SYCP2: variants seen among roughly 807,000 people sequenced by gnomAD.
SYCP2 encodes the protein synaptonemal complex protein 2.
In SYCP2, 55 loss-of-function variants were observed where a neutral mutation model predicts 211.3. That is an observed-to-expected ratio of 0.26 (90% confidence interval 0.21 to 0.33). The LOEUF is 0.33. SYCP2 is among the 10% of genes least tolerant of loss of function. The probability of loss-of-function intolerance (pLI) is 1.00; values close to 1 mark genes in which losing one functional copy is unlikely to be tolerated. For synonymous variants in SYCP2, 570 were observed against 555.2 expected (o/e 1.03, Z -0.37); for missense variants, 1,731 against 1,752.0 (o/e 0.99, Z 0.21).
chr20:59,898,091 G>A (rs1354493794), intron 18 of SYCP2, among the ~76,000 whole-genome samples: 2 of 151,536 alleles, frequency 1.3e-5, no homozygotes, highest in African/African-American at 4.8e-5. Context: ...CTGCACTCCA[G>A]CCTGTGTGAC....
chr20:59,886,621 C>A, intron 25 of SYCP2, 86 bp downstream of exon 25: 1 of 975,528 alleles, frequency 1.0e-6, no homozygotes, highest in Admixed American at 3.0e-5. Flanking sequence ...TTATCTGAAC[C>A]TATGTTTAAA....
chr20:59,916,387 G>T, intron 8 of SYCP2, 99 bp downstream of exon 8: 1 of 681,326 alleles, frequency 1.5e-6, no homozygotes, highest in East Asian at 2.7e-5. Flanking sequence ...TCCAAGCTAA[G>T]TAATTTTGTC....
At chr20:59,901,888 TA>T in intron 15 of SYCP2, 78 bp from the exon 16 acceptor site, 1 of 1,152,290 alleles carries the variant, frequency 8.7e-7, no homozygotes, top group Non-Finnish European at 1.2e-6. Context: ...GACATGGATG[TA>T]GCAGATTAAT....
Position 59,899,143 on chromosome 20 carries a change from G to T in SYCP2, c.1404+995C>A, listed in dbSNP as rs542862195. On this transcript the variant is annotated intron_variant, in intron 18 of 44. Coordinates refer to ENST00000357552, the MANE Select transcript of SYCP2 (RefSeq NM_014258.4). Reference sequence around the variant, plus strand: ...CGAGGAGGCTACTGTATTAACCTAAGTGTGCTGAGATGAGTAATGGCAGAT... The same window carrying T: ...CGAGGAGGCTACTGTATTAACCTAATTGTGCTGAGATGAGTAATGGCAGAT... 2.0e-5 allele frequency among the ~76,000 whole-genome samples: 3 copies of T among 152,288 alleles called. No individual in the cohort carries two copies. The South Asian group carries it at 6.2e-4, about 32-fold the overall frequency.
chr20:59,876,157 G>C (rs1307659163), intron 33 of SYCP2, among the ~76,000 whole-genome samples: 1 of 151,718 alleles, frequency 6.6e-6, no homozygotes, highest in South Asian at 2.1e-4. Flanking sequence ...CAGATCATGA[G>C]GTCAAGAGAT....
chr20:59,894,029 C>T (rs1217094083), intron 20 of SYCP2, among the ~76,000 whole-genome samples: 1 of 151,992 alleles, frequency 6.6e-6, no homozygotes, highest in East Asian at 1.9e-4. Context: ...TTTTGTTTAG[C>T]TAAGTTTTTT....
At chr20:59,911,534 ACT>A (rs2060326868) in intron 14 of SYCP2, among the ~76,000 whole-genome samples, 2 of 152,068 alleles carry the variant, frequency 1.3e-5, no homozygotes, top group Non-Finnish European at 2.9e-5. Context: ...GAGCATTAAA[ACT>A]CAGCATTATT....
intron 35 of SYCP2, among the ~76,000 whole-genome samples, chr20:59,872,092 C>T (rs1038336646): frequency 6.6e-6 from 1 of 151,888 alleles, no homozygotes; most frequent in Admixed American, 6.6e-5. Flanking sequence ...AGATCTCCTA[C>T]CTCTACTTTA....
chr20:59,892,730 TACAAA>T, intron 22 of SYCP2, 29 bp from the exon 23 acceptor site: 1 of 1,589,404 alleles, frequency 6.3e-7, no homozygotes, highest in Non-Finnish European at 8.5e-7. Flanking sequence ...TGCTTAATGT[TACAAA>T]ACATTAGCCT....
intron 41 of SYCP2, 54 bp downstream of exon 41, chr20:59,866,239 G>A: frequency 8.4e-6 from 10 of 1,187,982 alleles, no homozygotes; most frequent in Non-Finnish European, 1.1e-5. Flanking sequence ...TCCAAGTATA[G>A]CTCTTTAAAA....
At chr20:59,907,668 A>G (rs888935294) in intron 14 of SYCP2, among the ~76,000 whole-genome samples, 32 of 152,348 alleles carry the variant, frequency 2.1e-4, no homozygotes, top group African/African-American at 4.1e-4. Context: ...ACCAAAAAAA[A>G]GAATGACTGT....
At chr20:59,908,518 T>G (rs2145818308) in intron 14 of SYCP2, among the ~76,000 whole-genome samples, 1 of 152,254 alleles carries the variant, frequency 6.6e-6, no homozygotes, top group Middle Eastern at 3.4e-3. Flanking sequence ...TGTAAAAAAC[T>G]TGCTCCTTTG....
chr20:59,919,305 C>CT (rs944299272), intron 6 of SYCP2, 123 bp from the exon 7 acceptor site: 172 of 674,430 alleles, frequency 2.6e-4, no homozygotes, highest in Non-Finnish European at 3.9e-4. Context: ...AGCATAATTA[C>CT]TTTTTATTAA....
In SYCP2 at chr20:59,864,239, G is replaced by A. The variant is rs1178855014; in HGVS notation, c.*72C>T. ...TGACATGTATATTTTTCTCTTTGTA[G>A]GACTATTCTTATTTCCTCAGTTATA... On this transcript the variant is annotated 3_prime_UTR_variant, in exon 45 of 45. Transcript: ENST00000357552. 9.3e-7 allele frequency: 1 copy of A among 1,078,206 alleles called. No individual in the cohort carries two copies. Among genetic ancestry groups the A allele is most frequent in the Non-Finnish European group, 1.4e-6 (1 of 739,364 alleles). 66.8% of individuals were successfully genotyped at this position (1,078,206 alleles called of 1,614,324 possible).
chr20:59,879,223 A>G (rs1030643219), intron 31 of SYCP2, among the ~76,000 whole-genome samples: 8 of 152,038 alleles, frequency 5.3e-5, no homozygotes, highest in African/African-American at 1.9e-4. Context: ...CCATTTTCCC[A>G]TAAATATGAT....
At chr20:59,869,648 C>T (rs2059411943) in intron 36 of SYCP2, 150 bp downstream of exon 36, 1 of 463,540 alleles carries the variant, frequency 2.2e-6, no homozygotes, top group Admixed American at 3.8e-5. Flanking sequence ...TATGATCAAG[C>T]CATTCTATAT....
intron 35 of SYCP2, among the ~76,000 whole-genome samples, chr20:59,873,172 C>T (rs1265577511): frequency 2.0e-5 from 3 of 152,072 alleles, no homozygotes; most frequent in Non-Finnish European, 4.4e-5. Flanking sequence ...TAGCAACTTC[C>T]ACATACCTTA....
chr20:59,881,055 A>G (rs1016252157), intron 29 of SYCP2, 32 bp from the exon 30 acceptor site: 2 of 1,229,416 alleles, frequency 1.6e-6, no homozygotes, highest in Admixed American at 2.1e-5. Context: ...ATTAAAAAAT[A>G]CCCTTCATAC....
chr20:59,930,641 A>T (rs761596380), intron 2 of SYCP2, among the ~76,000 whole-genome samples: 9 of 152,086 alleles, frequency 5.9e-5, no homozygotes, highest in Non-Finnish European at 1.2e-4. Flanking sequence ...GTAGATCTAG[A>T]CATGAACTAC....
Sources: gnomAD v4.1 joint callset for allele counts (sites outside exome capture counted in the v4.1 genomes callset) on GRCh38, gnomAD v4.1.1 for gene constraint, MANE v1.5 for transcripts, NCBI Gene and HGNC (gene_info 2026-07-23, HGNC 2026-07-21) for gene names.